Variants in PMP22 observed in about 807,000 individuals in gnomAD.
PMP22 encodes peripheral myelin protein 22.
In PMP22, 2 loss-of-function variants were observed where a neutral mutation model predicts 18.9. The ratio of observed to expected loss-of-function variants is 0.11; its 90% CI spans 0.04 to 0.33. The LOEUF (loss-of-function observed/expected upper bound fraction) is 0.33, where lower values mean the gene tolerates loss of function less well. Among genes scored for constraint, PMP22 ranks in the 10% least tolerant of loss-of-function variants. PMP22 has a pLI of 1.00. For missense variants in PMP22, 169 were observed against 202.2 expected (o/e 0.84, Z 1.00); for synonymous variants, 95 against 89.2 (o/e 1.07, Z -0.37).
chr17:15,258,905 A>G lies in PMP22; in HGVS notation c.178+189T>C. On this transcript the variant is annotated intron_variant, in intron 3 of 4. Transcript: ENST00000312280. This position sits in a 1 kb window ranked among gnomAD's most constrained non-coding sequence, Gnocchi z 4.1. Reference sequence around the variant, plus strand: ...AGAGTGAATCACAATGATGCCCAGGATCTCAGCTTCCCCAGCGAGATCACC... The same window carrying G: ...AGAGTGAATCACAATGATGCCCAGGGTCTCAGCTTCCCCAGCGAGATCACC... 2 of 660,358 alleles carry G rather than the reference A, an allele frequency of 3.0e-6. No homozygotes were observed. The highest frequency in any genetic ancestry group is 5.5e-6 in the Non-Finnish European group (2 of 361,780). 40.9% of individuals were successfully genotyped at this position (660,358 alleles called of 1,614,324 possible).
intron 2 of PMP22, chr17:15,260,179 A>G (rs888751402): frequency 4.1e-6 from 1 of 243,500 alleles, no homozygotes; most frequent in African/African-American, 2.2e-5. Context: ...TGTTCATGCC[A>G]TAAAGCCGAC....
chr17:15,257,411 G>A (rs1485128524), intron 3 of PMP22, among the ~76,000 whole-genome samples: 1 of 152,224 alleles, frequency 6.6e-6, no homozygotes, highest in Admixed American at 6.5e-5. Flanking sequence ...CCCCTTCCGG[G>A]CCCAAGAGTC....
intron 4 of PMP22, among the ~76,000 whole-genome samples, chr17:15,234,815 T>C (rs1906654510): frequency 6.6e-6 from 1 of 151,534 alleles, no homozygotes; most frequent in Non-Finnish European, 1.5e-5. Flanking sequence ...CCAAATTCTT[T>C]TTTTTTTTTT....
chr17:15,230,550 T>G lies in PMP22; in HGVS notation c.*367A>C. On this transcript the variant is annotated 3_prime_UTR_variant, in exon 5 of 5. Transcript: ENST00000312280. ...ATGAAAGGGAAGGGGCGAGATGGAG[T>G]TATCTTATTTCTGGGTAAAACAAAA... is the stretch of plus-strand genomic sequence containing the variant. 2 of 235,730 alleles carry G rather than the reference T, an allele frequency of 8.5e-6. No individual in the cohort carries two copies. Among genetic ancestry groups the G allele is most frequent in the South Asian group, 5.5e-5 (1 of 18,232 alleles). The allele number at this position is 235,730 out of a possible 1,614,324, so 14.6% of individuals were successfully genotyped here.
At position 15,259,104 on chromosome 17, in the gene PMP22, T is replaced by A. The variant is rs771749546; in HGVS notation, c.168A>T (p.Ser56=). 5.0e-5 allele frequency: 80 copies of A among 1,611,804 alleles called. No individual in the cohort carries two copies. The highest frequency in any genetic ancestry group is 1.7e-6 in the Non-Finnish European group (2 of 1,177,988). The change falls in exon 3 of 5, where the codon TCA becomes TCT. Residue 56 remains serine (S), a synonymous_variant. Coordinates refer to ENST00000312280, the MANE Select transcript of PMP22 (RefSeq NM_000304.4). ...CAAAACCAGCCTCACCGTTTGGTGA[T>A]GATGAGAAACAGTGGTGGACATTTC... ...SSGNVHHCFS[S]SPNEWLQSVQ...
chr17:15,232,556 T>G (rs527494843), intron 4 of PMP22: 2 of 152,220 alleles, frequency 1.3e-5, no homozygotes, highest in Non-Finnish European at 2.9e-5. Flanking sequence ...ACTCTTGTCT[T>G]TAAGAAATAC....
At chr17:15,237,405 C>A (rs1201625833) in intron 4 of PMP22, among the ~76,000 whole-genome samples, 1 of 152,192 alleles carries the variant, frequency 6.6e-6, no homozygotes, top group African/African-American at 2.4e-5. Flanking sequence ...TCCCAAGGAG[C>A]CCATTCAACA....
At chr17:15,243,872 A>C (rs1907561781) in intron 3 of PMP22, among the ~76,000 whole-genome samples, 1 of 151,296 alleles carries the variant, frequency 6.6e-6, no homozygotes, top group Admixed American at 6.6e-5. Flanking sequence ...CAATTCAAAA[A>C]TATGGTGTTA....
chr17:15,239,544 C>T lies in PMP22; in HGVS notation c.246G>A (p.Leu82=), dbSNP rs779700333. ...SIIFSILSLF[L]FFCQLFTLTK... is the part of the protein sequence containing the mutation. The stretch of plus-strand genomic sequence containing the variant: ...TGAGGGTGAAGAGTTGGCAGAAGAA[C>T]AGGAACAGAGACAGAATGCTGAAGA... The change falls in exon 4 of 5, where the codon CTG becomes CTA. Residue 82 remains leucine, a synonymous_variant. Coordinates refer to ENST00000312280, the MANE Select transcript of PMP22 (RefSeq NM_000304.4). The T allele has an allele frequency of 6.2e-6, 10 of 1,614,004 alleles. No homozygotes were observed. The South Asian group carries it at 7.7e-5, about 12-fold the overall frequency.
At chr17:15,256,959 C>T (rs985855639) in intron 3 of PMP22, among the ~76,000 whole-genome samples, 1 of 152,104 alleles carries the variant, frequency 6.6e-6, no homozygotes, top group Non-Finnish European at 1.5e-5. Context: ...TTAGATTAAG[C>T]CTGAGTGGCG....
At chr17:15,253,819 C>A (rs1908578782) in intron 3 of PMP22, among the ~76,000 whole-genome samples, 1 of 152,154 alleles carries the variant, frequency 6.6e-6, no homozygotes, top group Non-Finnish European at 1.5e-5. Context: ...CCTTCCTTCA[C>A]CACTGCAATC....
At chr17:15,234,466 A>G (rs1221667030) in intron 4 of PMP22, among the ~76,000 whole-genome samples, 1 of 152,194 alleles carries the variant, frequency 6.6e-6, no homozygotes, top group Non-Finnish European at 1.5e-5. Flanking sequence ...AGGTGCAGCT[A>G]TGATGTTGGG....
chr17:15,231,879 A>T (rs1405323889), intron 4 of PMP22, among the ~76,000 whole-genome samples: 1 of 152,138 alleles, frequency 6.6e-6, no homozygotes, highest in Non-Finnish European at 1.5e-5. Flanking sequence ...TGTTGGAAAG[A>T]GAAGAAAAGC....
At chr17:15,262,972 T>C (rs998313838) in intron 1 of PMP22, among the ~76,000 whole-genome samples, 1 of 152,144 alleles carries the variant, frequency 6.6e-6, no homozygotes, top group Non-Finnish European at 1.5e-5. Context: ...TTCCCACTAA[T>C]AGAGGGCAGC....
intron 3 of PMP22, among the ~76,000 whole-genome samples, chr17:15,245,137 T>C (rs1201621943): frequency 6.6e-6 from 1 of 152,178 alleles, no homozygotes; most frequent in Non-Finnish European, 1.5e-5. Context: ...GCAAACTCCA[T>C]TCCAGCTCCA....
At chr17:15,260,879 C>T (rs939387617) in intron 1 of PMP22, 118 bp from the exon 2 acceptor site, 2 of 687,822 alleles carry the variant, frequency 2.9e-6, no homozygotes, top group Non-Finnish European at 4.9e-6. Context: ...GCCCGCAGCC[C>T]GACCGCCCGC....
rs1484819012 is a variant in PMP22, at chr17:15,230,044, G to A, written c.*873C>T. 2 of 152,646 alleles carry A rather than the reference G, an allele frequency of 1.3e-5. No homozygotes were observed. The highest frequency in any genetic ancestry group is 2.9e-5 in the Non-Finnish European group (2 of 68,060). 9.5% of individuals were successfully genotyped at this position (152,646 alleles called of 1,614,324 possible). ...CTCCGACCGTAAGAAAAATGTGGGA[G>A]TGATGAAGGCTTTATGATTTACTCA... On this transcript the variant is annotated 3_prime_UTR_variant, in exon 5 of 5. Transcript: ENST00000312280.
chr17:15,254,971 T>TAA (rs1908701471), intron 3 of PMP22, among the ~76,000 whole-genome samples: 1 of 151,938 alleles, frequency 6.6e-6, no homozygotes, highest in Non-Finnish European at 1.5e-5. Flanking sequence ...ATAATAATAA[T>TAA]AAGACTTACT....
At chr17:15,239,173 A>C (rs947240839) in intron 4 of PMP22, among the ~76,000 whole-genome samples, 7 of 152,190 alleles carry the variant, frequency 4.6e-5, no homozygotes, top group Non-Finnish European at 1.0e-4. Context: ...TCCAGATTGC[A>C]GTTTCATTCC....
Sources: gnomAD v4.1 joint callset for allele counts (sites outside exome capture counted in the v4.1 genomes callset) on GRCh38, gnomAD v4.1.1 for gene constraint, Gnocchi (gnomAD v3.1) non-coding constraint, MANE v1.5 for transcripts, NCBI Gene and HGNC (gene_info 2026-07-23, HGNC 2026-07-21) for gene names.